Variants in CNTLN observed in about 807,000 individuals in gnomAD.
CNTLN encodes centlein, centrosomal protein.
In CNTLN, 212 loss-of-function variants were observed where a neutral mutation model predicts 180.0. The ratio of observed to expected loss-of-function variants is 1.18; its 90% CI spans 1.05 to 1.32. The LOEUF (loss-of-function observed/expected upper bound fraction) is 1.32, where lower values mean the gene tolerates loss of function less well. CNTLN is among the 40% of genes most tolerant of loss of function. The pLI is 0.00. For missense variants in CNTLN, 2,095 were observed against 1,610.9 expected (o/e 1.30, Z -5.14); for synonymous variants, 722 against 563.1 (o/e 1.28, Z -3.99).
intron 9 of CNTLN, among the ~76,000 whole-genome samples, chr9:17,332,393 T>C (rs1056415521): frequency 6.6e-6 from 1 of 152,096 alleles, no homozygotes; most frequent in African/African-American, 2.4e-5. Context: ...AATGTAAATG[T>C]AAATGAATAT....
At position 17,174,735 on chromosome 9, in the gene CNTLN, T is replaced by C. The variant is rs189231299; in HGVS notation, c.449+31359T>C. 1.9e-3 allele frequency among the ~76,000 whole-genome samples: 282 copies of C among 152,196 alleles called. 1 individual carries two copies. Among genetic ancestry groups the C allele is most frequent in the African/African-American group, 6.5e-3 (270 of 41,530 alleles). The stretch of plus-strand genomic sequence containing the variant: ...AAAAAGAAAGAAATTGCCAAACCGT[T>C]TGTCAGAGTGTCTATACCATTTTAC... On this transcript the variant is annotated intron_variant, in intron 2 of 25. Transcript: ENST00000380647.
intron 8 of CNTLN, among the ~76,000 whole-genome samples, chr9:17,323,051 A>G (rs1432381644): frequency 2.0e-5 from 3 of 152,124 alleles, no homozygotes; most frequent in African/African-American, 7.2e-5. Flanking sequence ...AAGTGGTTTC[A>G]TTAAATTAGA....
At chr9:17,282,974 T>A (rs1301371817) in intron 6 of CNTLN, among the ~76,000 whole-genome samples, 2 of 152,184 alleles carry the variant, frequency 1.3e-5, no homozygotes, top group African/African-American at 4.8e-5. Context: ...AGTACCGTGT[T>A]GTTTTGGTTA....
intron 18 of CNTLN, among the ~76,000 whole-genome samples, chr9:17,425,278 A>C (rs1003759358): frequency 2.0e-5 from 3 of 152,134 alleles, no homozygotes; most frequent in Non-Finnish European, 4.4e-5. Context: ...AGTTAGAGTT[A>C]AAGGAGGTCC....
In CNTLN at chr9:17,396,698, C is replaced by T. The variant is rs145397579; in HGVS notation, c.2615+1629C>T. 1.1e-3 allele frequency among the ~76,000 whole-genome samples: 172 copies of T among 152,280 alleles called. 1 individual carries two copies. Among genetic ancestry groups the T allele is most frequent in the African/African-American group, 3.9e-3 (164 of 41,548 alleles). On this transcript the variant is annotated intron_variant, in intron 15 of 25. Transcript: ENST00000380647. ...TATAAACATTCCAAAGGTTAGGTCA[C>T]ACCCCAGACAAATTAAATTATAACC...
intron 2 of CNTLN, among the ~76,000 whole-genome samples, chr9:17,214,245 G>A (rs941918249): frequency 6.6e-6 from 1 of 152,098 alleles, no homozygotes; most frequent in African/African-American, 2.4e-5. Flanking sequence ...TGTAGGGCAG[G>A]CCTGGTGGTG....
At position 17,457,652 on chromosome 9, in the gene CNTLN, T is replaced by C. The variant is rs747455567; in HGVS notation, c.3243T>C (p.Val1081=). ...AGGTAACATTTCCACGGATACAAGT[T>C]ACATCACTTAGTCCTTCAAGGAGCA... The part of the protein sequence containing the change: ...NSQVTFPRIQ[V]TSLSPSRSMD... The change falls in exon 19 of 26, where the codon GTT becomes GTC. Residue 1081 remains valine, a synonymous_variant. Coordinates refer to ENST00000380647, the MANE Select transcript of CNTLN (RefSeq NM_017738.4). 6.5e-7 allele frequency: 1 copy of C among 1,545,222 alleles called. No homozygotes were observed. Among genetic ancestry groups the C allele is most frequent in the Non-Finnish European group, 8.7e-7 (1 of 1,143,158 alleles).
chr9:17,210,331 G>A (rs898493554), intron 2 of CNTLN, among the ~76,000 whole-genome samples: 1 of 152,068 alleles, frequency 6.6e-6, no homozygotes, highest in Non-Finnish European at 1.5e-5. Flanking sequence ...TTTTGTCCTT[G>A]CGATAGTTTG....
chr9:17,204,646 G>A (rs541074956), intron 2 of CNTLN, among the ~76,000 whole-genome samples: 1 of 152,256 alleles, frequency 6.6e-6, no homozygotes, highest in East Asian at 1.9e-4. Context: ...GAAGGCATGG[G>A]GGTTAGGGAC....
chr9:17,158,248 C>G (rs965165311), intron 2 of CNTLN, among the ~76,000 whole-genome samples: 1 of 152,058 alleles, frequency 6.6e-6, no homozygotes, highest in Non-Finnish European at 1.5e-5. Flanking sequence ...AGGATAAATT[C>G]TTGGTCATGG....
intron 8 of CNTLN, among the ~76,000 whole-genome samples, chr9:17,312,371 T>TATATATATATATA (rs1819241283): frequency 7.8e-6 from 1 of 127,784 alleles, no homozygotes. Context: ...ATATTATATA[T>TATATATATATATA]ATATATATAT....
chr9:17,402,711 C>A (rs1480094161), intron 15 of CNTLN, among the ~76,000 whole-genome samples: 4 of 151,748 alleles, frequency 2.6e-5, no homozygotes. Flanking sequence ...TAATCTGCAC[C>A]ATCAGCTCTC....
intron 2 of CNTLN, among the ~76,000 whole-genome samples, chr9:17,160,835 A>T (rs1250680713): frequency 2.0e-5 from 3 of 152,150 alleles, no homozygotes; most frequent in African/African-American, 7.2e-5. Flanking sequence ...TGACTGTGAG[A>T]TTTAGACATG....
intron 18 of CNTLN, among the ~76,000 whole-genome samples, chr9:17,453,733 T>G (rs1830937613): frequency 6.6e-6 from 1 of 152,160 alleles, no homozygotes; most frequent in Admixed American, 6.5e-5. Context: ...AGGACTGAGG[T>G]CCGTGGCTTG....
intron 5 of CNTLN, among the ~76,000 whole-genome samples, chr9:17,257,226 G>A (rs1826573214): frequency 6.6e-6 from 1 of 151,902 alleles, no homozygotes; most frequent in East Asian, 1.9e-4. Context: ...AATATGCGGT[G>A]TTTGGTATTT....
At chr9:17,330,195 G>A (rs1820551045) in intron 8 of CNTLN, among the ~76,000 whole-genome samples, 1 of 152,012 alleles carries the variant, frequency 6.6e-6, no homozygotes. Context: ...TACAGTAAAA[G>A]CTGATTGTAC....
chr9:17,217,406 A>G (rs1823832669), intron 2 of CNTLN, among the ~76,000 whole-genome samples: 1 of 152,234 alleles, frequency 6.6e-6, no homozygotes, highest in South Asian at 2.1e-4. Context: ...GGAGCACAAA[A>G]TATTGACATG....
chr9:17,435,558 T>TC (rs1168974012), intron 18 of CNTLN, among the ~76,000 whole-genome samples: 1 of 117,090 alleles, frequency 8.5e-6, no homozygotes, highest in Non-Finnish European at 2.1e-5. Flanking sequence ...AAAGAGTGGC[T>TC]CTTTTTTTTT....
Position 17,309,156 on chromosome 9 carries a change from A to G in CNTLN, c.1245A>G (p.Lys415=). The G allele has an allele frequency of 6.2e-7, 1 of 1,611,008 alleles. No individual in the cohort carries two copies. The highest frequency in any genetic ancestry group is 8.5e-7 in the Non-Finnish European group (1 of 1,178,142). ...ATCTTCAGGATCAGCTATTACAAAAAGAGCAAGAAAATGCTAAGTTAAAAG... is the reference window on the plus strand; with the variant it reads ...ATCTTCAGGATCAGCTATTACAAAAGGAGCAAGAAAATGCTAAGTTAAAAG... ...VTNLQDQLLQ[K]EQENAKLKEK... is the part of the protein sequence containing the mutation. The change falls in exon 8 of 26, where the codon AAA becomes AAG. Residue 415 remains lysine, a synonymous_variant. Coordinates refer to ENST00000380647, the MANE Select transcript of CNTLN (RefSeq NM_017738.4).
Sources: allele counts gnomAD v4.1 joint callset (sites outside exome capture counted in the v4.1 genomes callset), GRCh38; gene constraint gnomAD v4.1.1; transcripts MANE v1.5; gene names NCBI Gene and HGNC (gene_info 2026-07-23, HGNC 2026-07-21).